Variants in BRDT observed in about 807,000 individuals in gnomAD.
BRDT encodes bromodomain testis-specific protein.
A neutral mutation model predicts 113.9 loss-of-function variants in BRDT; 77 were observed. The ratio of observed to expected loss-of-function variants is 0.68; its 90% confidence interval spans 0.56 to 0.82. The LOEUF (loss-of-function observed/expected upper bound fraction) is 0.82. Ranked by LOEUF, BRDT falls within the 40% of genes least tolerant of loss-of-function variation. The pLI, the probability that BRDT is intolerant of heterozygous loss-of-function variation, is 0.00. For synonymous variants in BRDT, 358 were observed against 366.5 expected (o/e 0.98, Z 0.26); for missense variants, 1,027 against 1,105.4 (o/e 0.93, Z 1.01).
chr1:91,957,128 A>G (rs1681856868), intron 1 of BRDT, among the ~76,000 whole-genome samples: 1 of 152,206 alleles, frequency 6.6e-6, no homozygotes, highest in Admixed American at 6.5e-5. Flanking sequence ...TACAGTATTT[A>G]TGATTTGTGG....
intron 16 of BRDT, 54 bp downstream of exon 16, chr1:92,002,203 T>C: frequency 7.7e-7 from 1 of 1,296,784 alleles, no homozygotes; most frequent in Non-Finnish European, 1.1e-6. Context: ...AAATTGGGTT[T>C]GGAAGTGGTA....
intron 15 of BRDT, among the ~76,000 whole-genome samples, chr1:91,995,059 ATATCT>A (rs1557855193): frequency 6.6e-6 from 1 of 152,062 alleles, no homozygotes; most frequent in East Asian, 1.9e-4. Context: ...ATTTGACTTA[ATATCT>A]TATCAGAAGG....
chr1:91,951,367 C>T (rs1228426034), intron 1 of BRDT, among the ~76,000 whole-genome samples: 1 of 151,996 alleles, frequency 6.6e-6, no homozygotes, highest in Non-Finnish European at 1.5e-5. Flanking sequence ...AATAGGAAAA[C>T]AGTAAGTATC....
intron 1 of BRDT, among the ~76,000 whole-genome samples, chr1:91,951,548 G>T (rs920235377): frequency 2.0e-4 from 31 of 152,210 alleles, no homozygotes; most frequent in Admixed American, 1.6e-3. Flanking sequence ...TGTAATCCCA[G>T]CACTTTGGGA....
intron 4 of BRDT, 103 bp from the exon 5 acceptor site, chr1:91,976,163 A>G (rs1436557702): frequency 1.7e-6 from 2 of 1,179,332 alleles, no homozygotes. Flanking sequence ...TCCTATGCTT[A>G]TATTGCTAAA....
chr1:91,998,487 A>G (rs1205320871), intron 15 of BRDT, among the ~76,000 whole-genome samples: 1 of 152,212 alleles, frequency 6.6e-6, no homozygotes, highest in Non-Finnish European at 1.5e-5. Flanking sequence ...CCAGAACTTA[A>G]AGTATAATAA....
intron 4 of BRDT, among the ~76,000 whole-genome samples, chr1:91,968,966 T>C (rs548505628): frequency 2.6e-5 from 4 of 151,688 alleles, no homozygotes; most frequent in Admixed American, 2.6e-4. Context: ...GACGGAGTCT[T>C]CACTCTGTCG....
chr1:92,007,671 A>T (rs1687446243), intron 18 of BRDT, among the ~76,000 whole-genome samples: 1 of 152,204 alleles, frequency 6.6e-6, no homozygotes, highest in Admixed American at 6.5e-5. Context: ...TACGGTTTAC[A>T]ATATACAGCT....
At chr1:91,997,708 G>A (rs1181247160) in intron 15 of BRDT, among the ~76,000 whole-genome samples, 2 of 152,188 alleles carry the variant, frequency 1.3e-5, no homozygotes, top group African/African-American at 4.8e-5. Context: ...CTATTAGTAA[G>A]CTAATATATA....
chr1:91,951,380 G>A (rs920849927), intron 1 of BRDT, among the ~76,000 whole-genome samples: 1 of 151,984 alleles, frequency 6.6e-6, no homozygotes, highest in African/African-American at 2.4e-5. Flanking sequence ...TAAGTATCTC[G>A]AATATTTAAA....
intron 1 of BRDT, among the ~76,000 whole-genome samples, chr1:91,956,469 G>C (rs1393142976): frequency 1.3e-5 from 2 of 152,100 alleles, no homozygotes; most frequent in African/African-American, 4.8e-5. Context: ...TTCTATATCT[G>C]CATTGTCTCA....
At chr1:91,963,785 T>C (rs1424624315) in intron 2 of BRDT, among the ~76,000 whole-genome samples, 2 of 114,286 alleles carry the variant, frequency 1.7e-5, no homozygotes, top group Non-Finnish European at 3.5e-5. Flanking sequence ...TCATCTTTAT[T>C]GGCTTTTTTT....
intron 16 of BRDT, among the ~76,000 whole-genome samples, chr1:92,002,663 G>C (rs1229593628): frequency 6.6e-6 from 1 of 152,080 alleles, no homozygotes; most frequent in Non-Finnish European, 1.5e-5. Context: ...CACCATGCTT[G>C]GCCCTTTTGT....
intron 3 of BRDT, among the ~76,000 whole-genome samples, 166 bp downstream of exon 3, chr1:91,964,930 G>A (rs747876251): frequency 7.1e-6 from 1 of 140,402 alleles, no homozygotes; most frequent in Non-Finnish European, 1.5e-5. Flanking sequence ...TTTTTTTTGA[G>A]ATGGAGTCTG....
chr1:91,994,777 A>G (rs992814873), intron 15 of BRDT, among the ~76,000 whole-genome samples: 20 of 142,906 alleles, frequency 1.4e-4, no homozygotes, highest in Admixed American at 3.7e-4. Context: ...CTGAGGCAGG[A>G]GAATGGCGTG....
At chr1:91,963,382 GTA>G (rs1241696293) in intron 2 of BRDT, among the ~76,000 whole-genome samples, 1 of 152,136 alleles carries the variant, frequency 6.6e-6, no homozygotes, top group Non-Finnish European at 1.5e-5. Flanking sequence ...ATCCCAATGA[GTA>G]TTTTTTTCCA....
chr1:92,004,469 C>G lies in BRDT; in HGVS notation c.2444C>G (p.Pro815Arg). 1.2e-6 allele frequency: 2 copies of G among 1,611,046 alleles called. No homozygotes were observed. The highest frequency in any genetic ancestry group is 1.7e-6 in the Non-Finnish European group (2 of 1,179,202). The change falls in exon 17 of 19, where the codon CCA (proline) becomes CGA (arginine). Residue 815 changes from proline to arginine, a missense_variant. Coordinates refer to ENST00000399546, the MANE Select transcript of BRDT (RefSeq NM_207189.4). ...AAAAGTTTAGGCAAACCAGTGAAAC[C>G]ATCAGGTGTAATGAAATCCTCAGAT... ...SWKSLGKPVKPSGVMKSSDEL... is the reference protein window; with the variant it reads ...SWKSLGKPVKRSGVMKSSDEL...
chr1:92,004,324 A>G (rs6665403), intron 16 of BRDT, 90 bp from the exon 17 acceptor site: 46,781 of 805,046 alleles, frequency 0.058, 1,627 homozygotes, highest in African/African-American at 0.095. Flanking sequence ...TCTTAATTAG[A>G]TCTATTGCTG....
At chr1:92,007,362 A>G (rs750736988) in intron 18 of BRDT, among the ~76,000 whole-genome samples, 1 of 152,068 alleles carries the variant, frequency 6.6e-6, no homozygotes, top group Non-Finnish European at 1.5e-5. Flanking sequence ...TCCAATAGTT[A>G]CCTTTTCTGC....
Sources: allele counts gnomAD v4.1 joint callset (sites outside exome capture counted in the v4.1 genomes callset), GRCh38; gene constraint gnomAD v4.1.1; transcripts MANE v1.5; gene names NCBI Gene and HGNC (gene_info 2026-07-23, HGNC 2026-07-21).